PDSS2: variants seen among roughly 807,000 people sequenced by gnomAD.
PDSS2 encodes all trans-polyprenyl-diphosphate synthase PDSS2.
Under a neutral mutation model 44.5 loss-of-function variants are expected in PDSS2, and 31 were observed. That is an observed-to-expected ratio of 0.70 (90% CI 0.52 to 0.94). PDSS2 has a LOEUF of 0.94. Among genes scored for constraint, PDSS2 ranks in the 40% least tolerant of loss-of-function variants. PDSS2 has a pLI of 0.00. For synonymous variants in PDSS2, 157 were observed against 180.3 expected (o/e 0.87, Z 1.03); for missense variants, 452 against 482.2 (o/e 0.94, Z 0.59).
At chr6:107,409,768 G>T (rs1390072608) in intron 1 of PDSS2, among the ~76,000 whole-genome samples, 1 of 152,110 alleles carries the variant, frequency 6.6e-6, no homozygotes, top group Admixed American at 6.6e-5. Context: ...AGTAGACACG[G>T]TTCCTGCCCT....
intron 1 of PDSS2, among the ~76,000 whole-genome samples, chr6:107,399,313 G>A (rs1387536921): frequency 6.6e-6 from 1 of 152,136 alleles, no homozygotes; most frequent in Non-Finnish European, 1.5e-5. Context: ...TCAGAGTTGT[G>A]ACTATCACCT....
chr6:107,223,629 G>A (rs527675102), intron 4 of PDSS2, among the ~76,000 whole-genome samples: 4 of 151,236 alleles, frequency 2.6e-5, no homozygotes, highest in South Asian at 2.1e-4. Context: ...TGGGGAGATC[G>A]CTTGAGTCCA....
chr6:107,230,308 C>G (rs1774000108), intron 4 of PDSS2, among the ~76,000 whole-genome samples: 1 of 152,010 alleles, frequency 6.6e-6, no homozygotes, highest in Admixed American at 6.6e-5. Flanking sequence ...CCCTCTCCAG[C>G]CTGGGGAGGA....
At chr6:107,261,822 A>C (rs2908803) in intron 3 of PDSS2, among the ~76,000 whole-genome samples, 63,565 of 149,502 alleles carry the variant, frequency 0.43, 14,707 homozygotes, top group Middle Eastern at 0.63. Context: ...CAGGTGATCA[A>C]CCTGCCTGGG....
chr6:107,200,965 A>G (rs1012024957), intron 6 of PDSS2, among the ~76,000 whole-genome samples: 1 of 152,120 alleles, frequency 6.6e-6, no homozygotes, highest in Admixed American at 6.6e-5. Flanking sequence ...GCGGCCAGCC[A>G]GAGCAAGATA....
chr6:107,262,891 A>G (rs1250938856), intron 3 of PDSS2, among the ~76,000 whole-genome samples: 4 of 152,090 alleles, frequency 2.6e-5, no homozygotes, highest in African/African-American at 9.7e-5. Flanking sequence ...CCTGGGCTAG[A>G]TAGTCCGGCC....
rs144917598 is a variant in PDSS2 at position 107,374,818 on chromosome 6, C to A, written c.297-40486G>T. On this transcript the variant is annotated intron_variant, in intron 1 of 7. Transcript: ENST00000369037. ...CTCAGGTTCCTGAGGTGCTAACCTTCCTGCTTATTTTTACTTATGGTAGGT... is the reference window on the plus strand; with the variant it reads ...CTCAGGTTCCTGAGGTGCTAACCTTACTGCTTATTTTTACTTATGGTAGGT... Among the ~76,000 whole-genome samples, 12 of 152,198 alleles carry A rather than the reference C, an allele frequency of 7.9e-5. No individual in the cohort carries two copies. The East Asian group carries it at 2.1e-3, about 27-fold the overall frequency.
intron 1 of PDSS2, among the ~76,000 whole-genome samples, chr6:107,387,265 C>A (rs1465136843): frequency 4.6e-5 from 7 of 152,340 alleles, no homozygotes; most frequent in Non-Finnish European, 1.0e-4. Context: ...CCTGCAGGTG[C>A]ACCTGTAGCC....
intron 7 of PDSS2, among the ~76,000 whole-genome samples, chr6:107,188,571 G>C (rs1772257660): frequency 6.6e-6 from 1 of 152,078 alleles, no homozygotes; most frequent in Non-Finnish European, 1.5e-5. Flanking sequence ...GAACAATTTG[G>C]TTTGGATGTT....
intron 4 of PDSS2, among the ~76,000 whole-genome samples, chr6:107,218,232 T>TTACA (rs1258868477): frequency 6.6e-6 from 1 of 152,168 alleles, no homozygotes; most frequent in Non-Finnish European, 1.5e-5. Context: ...TTGACAAAGG[T>TTACA]TACAGTCTGT....
intron 7 of PDSS2, among the ~76,000 whole-genome samples, chr6:107,156,985 A>G (rs1226397830): frequency 6.6e-6 from 1 of 152,088 alleles, no homozygotes; most frequent in East Asian, 1.9e-4. Flanking sequence ...CTTCCTAAAG[A>G]GTCTTCCCAC....
rs971378400 is a variant in PDSS2, at chr6:107,356,178, A to G, written c.297-21846T>C. 6.6e-5 allele frequency among the ~76,000 whole-genome samples: 10 copies of G among 152,336 alleles called. No individual in the cohort carries two copies. The East Asian group carries it at 7.7e-4, about 12-fold the overall frequency. ...ATATTTAGCTTTTGGCCAGATTACC[A>G]TTATTAGAAAGACTTGTGAACAGTG... On this transcript the variant is annotated intron_variant, in intron 1 of 7. Transcript: ENST00000369037.
intron 7 of PDSS2, among the ~76,000 whole-genome samples, chr6:107,155,603 C>T (rs1462442258): frequency 2.2e-5 from 3 of 136,810 alleles, no homozygotes; most frequent in Non-Finnish European, 3.1e-5. Flanking sequence ...TTTTTTGAGA[C>T]GGAGTCTCAC....
At position 107,210,555 on chromosome 6, in the gene PDSS2, G is replaced by T; in HGVS notation, c.892C>A (p.Gln298Lys). Reference sequence around the variant, plus strand: ...CTGGTCTTTTCTTTAATAAAAGGCTGGACATCAGAATTTATCTACAAGAAG... The same window carrying T: ...CTGGTCTTTTCTTTAATAAAAGGCTTGACATCAGAATTTATCTACAAGAAG... ...AMSHKINSDVQPFIKEKTSDS... is the reference protein window; with the variant it reads ...AMSHKINSDVKPFIKEKTSDS... Residue 298 changes from glutamine (Q) to lysine (K), a missense_variant, in exon 6 of 8, where the codon CAG becomes AAG. Coordinates refer to ENST00000369037, the MANE Select transcript of PDSS2 (RefSeq NM_020381.4). 6.3e-7 allele frequency: 1 copy of T among 1,595,430 alleles called. No individual in the cohort carries two copies. Among genetic ancestry groups the T allele is most frequent in the Non-Finnish European group, 8.6e-7 (1 of 1,163,342 alleles).
intron 1 of PDSS2, among the ~76,000 whole-genome samples, chr6:107,439,406 C>T (rs1781449980): frequency 6.6e-6 from 1 of 152,212 alleles, no homozygotes; most frequent in Non-Finnish European, 1.5e-5. Context: ...CCAAAATGAG[C>T]TGTGAAGGCA....
rs550945464 is a variant in PDSS2 at position 107,214,024 on chromosome 6, T to C, written c.703-1742A>G. Among the ~76,000 whole-genome samples the C allele has an allele frequency of 2.0e-5, 3 of 152,182 alleles. No individual in the cohort carries two copies. The South Asian group carries it at 6.2e-4, about 32-fold the overall frequency. On this transcript the variant is annotated intron_variant, in intron 4 of 7. Coordinates refer to ENST00000369037, the MANE Select transcript of PDSS2 (RefSeq NM_020381.4). ...TGGAAACAGGTAAAATTAATCTTAA[T>C]GACATATTTTATCTATCCCAATATA... is the stretch of plus-strand genomic sequence containing the variant.
At chr6:107,308,653 C>A (rs1202636198) in intron 2 of PDSS2, among the ~76,000 whole-genome samples, 1 of 152,184 alleles carries the variant, frequency 6.6e-6, no homozygotes, top group Admixed American at 6.5e-5. Flanking sequence ...GAGGTGACAG[C>A]AAAGTTGTAC....
At chr6:107,326,165 C>T (rs1777539087) in intron 2 of PDSS2, among the ~76,000 whole-genome samples, 1 of 149,260 alleles carries the variant, frequency 6.7e-6, no homozygotes, top group Admixed American at 6.7e-5. Context: ...TGCAGTGGCA[C>T]AATCTTGGCT....
intron 1 of PDSS2, among the ~76,000 whole-genome samples, chr6:107,433,228 C>T (rs1035912317): frequency 1.3e-5 from 2 of 150,090 alleles, no homozygotes; most frequent in Non-Finnish European, 3.0e-5. Flanking sequence ...AAGCAACCTA[C>T]AGATTCAATG....
Sources: gnomAD v4.1 joint callset for allele counts (sites outside exome capture counted in the v4.1 genomes callset) on GRCh38, gnomAD v4.1.1 for gene constraint, MANE v1.5 for transcripts, NCBI Gene and HGNC (gene_info 2026-07-23, HGNC 2026-07-21) for gene names.